Variants in SLC30A10 observed in about 807,000 individuals in gnomAD.
The protein encoded by SLC30A10 is solute carrier family 30 member 10.
Under a neutral mutation model 21.7 loss-of-function variants are expected in SLC30A10, and 8 were observed. That is an observed-to-expected ratio of 0.37 (90% CI 0.22 to 0.67). SLC30A10 has a LOEUF of 0.67. SLC30A10 is among the 30% of genes least tolerant of loss of function. SLC30A10 has a pLI of 0.58. For missense variants in SLC30A10, 521 were observed against 642.5 expected, an observed-to-expected ratio of 0.81 and a Z score of 2.04; for synonymous variants, 272 against 279.4, an observed-to-expected ratio of 0.97 and a Z score of 0.26.
intron 2 of SLC30A10, among the ~76,000 whole-genome samples, chr1:219,926,560 G>T (rs1659831421): frequency 6.6e-6 from 1 of 152,178 alleles, no homozygotes; most frequent in Admixed American, 6.5e-5. Flanking sequence ...GGGAGTGGAG[G>T]TTTTAGTGAG....
chr1:219,921,921 C>CAGAGAG (rs57806725), intron 2 of SLC30A10, among the ~76,000 whole-genome samples: 15,119 of 137,668 alleles, frequency 0.11, 954 homozygotes, highest in African/African-American at 0.16. Flanking sequence ...GAGAGAGAGA[C>CAGAGAG]AGAGAGAGAG....
At chr1:219,952,699 ACT>A (rs1309121970) in intron 1 of SLC30A10, among the ~76,000 whole-genome samples, 2 of 152,072 alleles carry the variant, frequency 1.3e-5, no homozygotes, top group African/African-American at 4.8e-5. Context: ...TTCTCTCTAT[ACT>A]CTGACAAAGA....
At position 219,911,882 on chromosome 1, in the gene SLC30A10, G is replaced by A. The variant is rs979640930; in HGVS notation, c.*3567C>T. ...TGGAGACATTGGTTGTCACAACTTC[G>A]GGGGACAGTACCGGCATTTATGCAT... On this transcript the variant is annotated 3_prime_UTR_variant, in exon 4 of 4. Coordinates refer to ENST00000366926, the MANE Select transcript of SLC30A10 (RefSeq NM_018713.3). Among the ~76,000 whole-genome samples, 9 of 151,928 alleles carry A rather than the reference G, an allele frequency of 5.9e-5. No individual in the cohort carries two copies. Among genetic ancestry groups the A allele is most frequent in the South Asian group, 2.1e-4 (1 of 4,816 alleles).
chr1:219,915,292 C>T lies in SLC30A10; in HGVS notation c.*157G>A. On this transcript the variant is annotated 3_prime_UTR_variant, in exon 4 of 4. Transcript: ENST00000366926. ...TTAGTTACATAAAAATTCACAGACA[C>T]GTTTAACTAAAATCCCAAACAGCCA... 2.4e-6 allele frequency: 2 copies of T among 842,808 alleles called. No homozygotes were observed. The highest frequency in any genetic ancestry group is 1.7e-5 in the South Asian group (1 of 59,364). The allele number at this position is 842,808 out of a possible 1,614,324, so 52.2% of individuals were successfully genotyped here.
At chr1:219,932,609 A>G (rs544112247), upstream of SLC30A10, among the ~76,000 whole-genome samples, 304 of 152,148 alleles carry the variant, frequency 2.0e-3, 1 homozygote, top group African/African-American at 7.1e-3. Flanking sequence ...CCTTTTGTAC[A>G]AAGGTAATTT....
Position 219,928,478 on chromosome 1 carries a change from G to T in SLC30A10, c.-38C>A. On this transcript the variant is annotated 5_prime_UTR_variant, in exon 1 of 4. Coordinates refer to ENST00000366926, the MANE Select transcript of SLC30A10 (RefSeq NM_018713.3). The surrounding 1 kb of genome is among the most constrained non-coding windows in gnomAD (Gnocchi z 6.3). ...CCCGGGCGCCCGGCGCCGCCCAGGG[G>T]AGCGCAGCCCACCCCGCGCGCAGCC... is the stretch of plus-strand genomic sequence containing the variant. 6.6e-7 allele frequency: 1 copy of T among 1,520,200 alleles called. No homozygotes were observed. The highest frequency in any genetic ancestry group is 8.8e-7 in the Non-Finnish European group (1 of 1,139,604). 94.2% of individuals were successfully genotyped at this position (1,520,200 alleles called of 1,614,324 possible).
upstream of SLC30A10, among the ~76,000 whole-genome samples, chr1:219,929,693 T>C (rs1003199715): frequency 2.6e-5 from 4 of 152,146 alleles, no homozygotes; most frequent in African/African-American, 4.8e-5. Context: ...TTTTATTTTT[T>C]GTATTTCTAG....
At position 219,922,176 on chromosome 1, in the gene SLC30A10, G is replaced by GTTTTTTTTTTTTT. The variant is rs869249213; in HGVS notation, c.719-3695_719-3683dup. ...TTCTTGTTTGTGTGTGTGTGTGTGT[G>GTTTTTTTTTTTTT]TTTTTTTTTTTTTTTTTTTTTTTTT... On this transcript the variant is annotated intron_variant, in intron 2 of 3. Coordinates refer to ENST00000366926, the MANE Select transcript of SLC30A10 (RefSeq NM_018713.3). Among the ~76,000 whole-genome samples, 10 of 36,450 alleles carry GTTTTTTTTTTTTT rather than the reference G, an allele frequency of 2.7e-4. 1 individual carries two copies. Among genetic ancestry groups the GTTTTTTTTTTTTT allele is most frequent in the Non-Finnish European group, 4.1e-4 (8 of 19,694 alleles). The allele number at this position is 36,450 out of a possible 152,430, so 23.9% of individuals were successfully genotyped here.
In SLC30A10 at chr1:219,912,409, T is replaced by TTTCCTATG. The variant is rs1659434562; in HGVS notation, c.*3039_*3040insCATAGGAA. 6.6e-6 allele frequency among the ~76,000 whole-genome samples: 1 copy of TTTCCTATG among 152,044 alleles called. No homozygotes were observed. Among genetic ancestry groups the TTTCCTATG allele is most frequent in the South Asian group, 2.1e-4 (1 of 4,820 alleles). ...AACAGACAGTATTTCCTATGGCCAA[T>TTTCCTATG]GCTAAAATAATGTGGAAAGGACTGT... On this transcript the variant is annotated 3_prime_UTR_variant, in exon 4 of 4. Coordinates refer to ENST00000366926, the MANE Select transcript of SLC30A10 (RefSeq NM_018713.3).
chr1:219,954,675 C>A (rs1660320625), intron 1 of SLC30A10, among the ~76,000 whole-genome samples: 1 of 74,952 alleles, frequency 1.3e-5, no homozygotes, highest in Admixed American at 1.8e-4. Context: ...AGTGAGACTC[C>A]ATCTCAAAAA....
At chr1:219,934,054 C>T (rs975130019) in intron 1 of SLC30A10, among the ~76,000 whole-genome samples, 1 of 152,038 alleles carries the variant, frequency 6.6e-6, no homozygotes, top group Non-Finnish European at 1.5e-5. Context: ...ATTGGAAGGC[C>T]GAGGCGGGTG....
intron 2 of SLC30A10, among the ~76,000 whole-genome samples, chr1:219,922,140 AT>A (rs1375963037): frequency 9.6e-6 from 1 of 104,260 alleles, no homozygotes; most frequent in African/African-American, 3.8e-5. Context: ...TTTTAAAAGA[AT>A]TTTTTTACCT....
rs1659529526 is a variant in SLC30A10 at position 219,915,886 on chromosome 1, C to A, written c.1021G>T (p.Val341Leu). The A allele has an allele frequency of 6.2e-7, 1 of 1,614,086 alleles. No individual in the cohort carries two copies. The highest frequency in any genetic ancestry group is 1.3e-5 in the African/African-American group (1 of 74,942). ...SVHEVHIWEL[V>L]SGKIIATLHI... ...AGGGTGGCAATAATCTTTCCACTTA[C>A]AAGTTCCCAGATGTGCACTTCATGT... The change falls in exon 4 of 4, where the codon GTA becomes TTA. Residue 341 changes from valine to leucine, a missense_variant. Physicochemically the swap from Val to Leu is conservative, Grantham distance 32. Coordinates refer to ENST00000366926, the MANE Select transcript of SLC30A10 (RefSeq NM_018713.3).
intron 2 of SLC30A10, among the ~76,000 whole-genome samples, chr1:219,922,181 T>TGG (rs1558252101): frequency 6.4e-4 from 4 of 6,208 alleles, no homozygotes; most frequent in African/African-American, 2.5e-3. Flanking sequence ...TGTGTGTTTT[T>TGG]TTTTTTTTTT....
At chr1:219,927,305 C>G (rs1000973257) in intron 1 of SLC30A10, among the ~76,000 whole-genome samples, 200 bp from the exon 2 acceptor site, 2 of 152,154 alleles carry the variant, frequency 1.3e-5, no homozygotes, top group African/African-American at 4.8e-5. Flanking sequence ...ATTCACACAT[C>G]CTTTCAAGTT....
At chr1:219,919,576 G>T (rs1311131879) in intron 2 of SLC30A10, among the ~76,000 whole-genome samples, 1 of 152,010 alleles carries the variant, frequency 6.6e-6, no homozygotes, top group African/African-American at 2.4e-5. Flanking sequence ...AGGAGTTCAA[G>T]ACCAGCCTGG....
At chr1:219,916,798 T>G (rs563530245) in intron 3 of SLC30A10, among the ~76,000 whole-genome samples, 1 of 152,188 alleles carries the variant, frequency 6.6e-6, no homozygotes, top group South Asian at 2.1e-4. Context: ...TTACCTAACC[T>G]CTCTGTGCCT....
chr1:219,951,168 C>T (rs1000173096), intron 1 of SLC30A10, among the ~76,000 whole-genome samples: 1 of 151,758 alleles, frequency 6.6e-6, no homozygotes, highest in South Asian at 2.1e-4. Context: ...GCTATGTTGC[C>T]GAGGCTGGTC....
rs1170747787 is a variant in SLC30A10 at position 219,922,214 on chromosome 1, T to G, written c.719-3720A>C. On this transcript the variant is annotated intron_variant, in intron 2 of 3. Coordinates refer to ENST00000366926, the MANE Select transcript of SLC30A10 (RefSeq NM_018713.3). ...TTTTTTTTTTTTTTTTTTTTTTTTT[T>G]TTTTTTTTTTTTTTTTTGCAGAGAC... Among the ~76,000 whole-genome samples the G allele has an allele frequency of 9.9e-3, 520 of 52,650 alleles. 38 individuals carry two copies. The highest frequency in any genetic ancestry group is 0.095 in the East Asian group (140 of 1,470). 34.5% of individuals were successfully genotyped at this position (52,650 alleles called of 152,430 possible). A position where few individuals can be genotyped will look rare whatever the true frequency, so the allele number is the denominator to read the frequency against.
Sources: allele counts gnomAD v4.1 joint callset (sites outside exome capture counted in the v4.1 genomes callset), GRCh38; gene constraint gnomAD v4.1.1; non-coding constraint Gnocchi (gnomAD v3.1); transcripts MANE v1.5; gene names NCBI Gene and HGNC (gene_info 2026-07-23, HGNC 2026-07-21).